Variants in DCLK1 observed in about 807,000 individuals in gnomAD.
DCLK1 encodes doublecortin like kinase 1.
Under a neutral mutation model 86.2 loss-of-function variants are expected in DCLK1, and 16 were observed. The ratio of observed to expected loss-of-function variants is 0.19; its 90% CI spans 0.13 to 0.28. The LOEUF is 0.28. DCLK1 is among the 10% of genes least tolerant of loss of function. The probability of loss-of-function intolerance (pLI) is 1.00; values close to 1 mark genes in which losing one functional copy is unlikely to be tolerated. For synonymous variants in DCLK1, 369 were observed against 370.5 expected, an observed-to-expected ratio of 1.00 and a Z score of 0.05; for missense variants, 590 against 940.2, an observed-to-expected ratio of 0.63 and a Z score of 4.87.
chr13:35,887,871 C>A (rs1873378694), intron 4 of DCLK1, among the ~76,000 whole-genome samples: 1 of 72,736 alleles, frequency 1.4e-5, no homozygotes, highest in Non-Finnish European at 2.4e-5. Context: ...ATAGTAAGAT[C>A]TTGTCTCAAA....
intron 9 of DCLK1, among the ~76,000 whole-genome samples, chr13:35,827,963 T>A (rs998901576): frequency 6.6e-6 from 1 of 152,028 alleles, no homozygotes; most frequent in Non-Finnish European, 1.5e-5. Context: ...TCAGAACCAA[T>A]CATGATAACT....
intron 16 of DCLK1, 70 bp downstream of exon 16, chr13:35,793,296 C>T: frequency 8.0e-7 from 1 of 1,243,808 alleles, no homozygotes; most frequent in Middle Eastern, 1.9e-4. Flanking sequence ...TGGAGAATCT[C>T]CTGAGTAATG....
At chr13:35,841,832 C>G (rs981503117) in intron 6 of DCLK1, among the ~76,000 whole-genome samples, 1 of 152,028 alleles carries the variant, frequency 6.6e-6, no homozygotes, top group African/African-American at 2.4e-5. Context: ...ATACTAAATA[C>G]TTTTCCAAGA....
chr13:35,832,534 C>T (rs1339265893), intron 8 of DCLK1, among the ~76,000 whole-genome samples: 1 of 152,060 alleles, frequency 6.6e-6, no homozygotes, highest in Non-Finnish European at 1.5e-5. Context: ...TCTCTGTAAC[C>T]CCAGAAGTGC....
chr13:35,981,775 G>A (rs1375344445), intron 3 of DCLK1, among the ~76,000 whole-genome samples: 1 of 152,174 alleles, frequency 6.6e-6, no homozygotes, highest in Non-Finnish European at 1.5e-5. Flanking sequence ...ATGTCTTTGA[G>A]ACCCTGCTTT....
intron 3 of DCLK1, among the ~76,000 whole-genome samples, chr13:36,090,859 C>G (rs973556767): frequency 1.3e-5 from 2 of 152,092 alleles, no homozygotes; most frequent in African/African-American, 4.8e-5. Context: ...CCACCCTACC[C>G]CACTCCACCC....
chr13:36,070,940 C>T (rs189519920), intron 3 of DCLK1, among the ~76,000 whole-genome samples: 16 of 152,236 alleles, frequency 1.1e-4, no homozygotes, highest in African/African-American at 3.4e-4. Context: ...CCACCGCGCC[C>T]GGCCCCCATC....
chr13:35,797,862 G>A (rs1566537525), intron 15 of DCLK1, among the ~76,000 whole-genome samples: 1 of 152,070 alleles, frequency 6.6e-6, no homozygotes, highest in Admixed American at 6.6e-5. Context: ...AAATAGGGAC[G>A]TTAAAAACAT....
At chr13:35,984,463 G>A (rs954607376) in intron 3 of DCLK1, among the ~76,000 whole-genome samples, 1 of 152,174 alleles carries the variant, frequency 6.6e-6, no homozygotes, top group East Asian at 1.9e-4. Flanking sequence ...CAGTGGGTGA[G>A]GGAGCAATTC....
In DCLK1 at chr13:35,770,838, T is replaced by C. The variant is rs149804683; in HGVS notation, c.*3697A>G. 1 of 152,304 alleles carries C rather than the reference T, an allele frequency of 6.6e-6. No homozygotes were observed. Among genetic ancestry groups the C allele is most frequent in the East Asian group, 1.9e-4 (1 of 5,190 alleles). 9.4% of individuals were successfully genotyped at this position (152,304 alleles called of 1,614,324 possible). ...CCAGATTTTTTTGTTGTTCTTTTCC[T>C]TGGAGAATGGGGAAGAAGTTGGAAA... is the stretch of plus-strand genomic sequence containing the variant. On this transcript the variant is annotated 3_prime_UTR_variant, in exon 17 of 17. Transcript: ENST00000360631.
intron 3 of DCLK1, among the ~76,000 whole-genome samples, chr13:35,971,865 C>T (rs779576933): frequency 2.6e-5 from 4 of 152,198 alleles, no homozygotes; most frequent in Admixed American, 1.3e-4. Context: ...CCCTGGACCT[C>T]GGTTGTTTTT....
chr13:35,939,664 G>A (rs1168401802), intron 4 of DCLK1, among the ~76,000 whole-genome samples: 2 of 152,244 alleles, frequency 1.3e-5, no homozygotes, highest in Admixed American at 1.3e-4. Flanking sequence ...CCAAACTGTT[G>A]GGATCACAGG....
intron 6 of DCLK1, among the ~76,000 whole-genome samples, chr13:35,854,206 G>T (rs894811651): frequency 6.6e-6 from 1 of 152,138 alleles, no homozygotes; most frequent in African/African-American, 2.4e-5. Context: ...AACTAAGAAG[G>T]CTTACAAACT....
At chr13:36,067,088 G>C (rs1027549384) in intron 3 of DCLK1, among the ~76,000 whole-genome samples, 1 of 141,188 alleles carries the variant, frequency 7.1e-6, no homozygotes, top group Non-Finnish European at 1.5e-5. Context: ...AAATCATGCT[G>C]CTATAAAGAC....
chr13:35,960,860 T>C (rs1471411488), intron 3 of DCLK1, among the ~76,000 whole-genome samples: 2 of 152,248 alleles, frequency 1.3e-5, no homozygotes, highest in Non-Finnish European at 2.9e-5. Context: ...TTTTTTCTTC[T>C]ACAAACTTGT....
At chr13:35,969,257 T>G (rs546181124) in intron 3 of DCLK1, among the ~76,000 whole-genome samples, 1 of 152,166 alleles carries the variant, frequency 6.6e-6, no homozygotes, top group African/African-American at 2.4e-5. Flanking sequence ...TACCTGCAGA[T>G]GTGACCTTAT....
At chr13:36,112,709 G>A (rs892148622) in intron 2 of DCLK1, among the ~76,000 whole-genome samples, 101 of 152,244 alleles carry the variant, frequency 6.6e-4, no homozygotes, top group African/African-American at 2.4e-3. Flanking sequence ...GTAAAGCCCA[G>A]TAAAGTTCCA....
chr13:35,865,767 G>A (rs1277636695), intron 5 of DCLK1, among the ~76,000 whole-genome samples: 1 of 152,158 alleles, frequency 6.6e-6, no homozygotes, highest in Admixed American at 6.5e-5. Context: ...AGAGAAATGG[G>A]TAAGGGACAA....
At chr13:35,967,072 C>T (rs569245356) in intron 3 of DCLK1, among the ~76,000 whole-genome samples, 4 of 149,522 alleles carry the variant, frequency 2.7e-5, no homozygotes, top group South Asian at 2.1e-4. Context: ...CGTCTCTGCC[C>T]GGCCGCCCAT....
Sources: allele counts gnomAD v4.1 joint callset (sites outside exome capture counted in the v4.1 genomes callset), GRCh38; gene constraint gnomAD v4.1.1; transcripts MANE v1.5; gene names NCBI Gene and HGNC (gene_info 2026-07-23, HGNC 2026-07-21).